Variants in ARNT2 observed in about 807,000 individuals in gnomAD.
ARNT2 encodes the protein ARNT protein 2.
Under a neutral mutation model 91.7 loss-of-function variants are expected in ARNT2, and 36 were observed. That is an observed-to-expected ratio of 0.39 (90% CI 0.30 to 0.52). The LOEUF is 0.52. ARNT2 is among the 20% of genes least tolerant of loss of function. The pLI is 0.72. For synonymous variants in ARNT2, 365 were observed against 347.1 expected (o/e 1.05, Z -0.57); for missense variants, 775 against 939.3 (o/e 0.83, Z 2.29).
intron 5 of ARNT2, among the ~76,000 whole-genome samples, chr15:80,502,446 G>A (rs552206880): frequency 6.6e-6 from 1 of 152,332 alleles, no homozygotes; most frequent in Admixed American, 6.5e-5. Flanking sequence ...GTGCTGTGCT[G>A]AAAGTCTAAA....
At chr15:80,501,553 A>G (rs527536540) in intron 5 of ARNT2, among the ~76,000 whole-genome samples, 1 of 152,366 alleles carries the variant, frequency 6.6e-6, no homozygotes, top group African/African-American at 2.4e-5. Flanking sequence ...CAAGTTATTC[A>G]ATCTTGTAGC....
At chr15:80,575,554 C>T (rs1429733560) in intron 14 of ARNT2, among the ~76,000 whole-genome samples, 2 of 152,208 alleles carry the variant, frequency 1.3e-5, no homozygotes, top group East Asian at 3.9e-4. Flanking sequence ...AGCACCTTCT[C>T]TCTCGTGTAA....
At chr15:80,496,207 T>C (rs992514039) in intron 5 of ARNT2, among the ~76,000 whole-genome samples, 4 of 152,182 alleles carry the variant, frequency 2.6e-5, no homozygotes, top group Non-Finnish European at 5.9e-5. Flanking sequence ...AAAAAATCCA[T>C]TGCACTGTGA....
chr15:80,553,433 G>T (rs1249126641), intron 10 of ARNT2, among the ~76,000 whole-genome samples: 1 of 152,072 alleles, frequency 6.6e-6, no homozygotes, highest in Non-Finnish European at 1.5e-5. Flanking sequence ...GATTTTCTTA[G>T]GTTTAGTATA....
At chr15:80,585,566 A>G (rs920428446) in intron 17 of ARNT2, among the ~76,000 whole-genome samples, 1 of 152,188 alleles carries the variant, frequency 6.6e-6, no homozygotes, top group African/African-American at 2.4e-5. Flanking sequence ...CCCTTGTTGG[A>G]GAATGTGCAT....
chr15:80,437,922 T>TACACACACACACACACACACAC (rs58142108), intron 1 of ARNT2, among the ~76,000 whole-genome samples: 1 of 141,562 alleles, frequency 7.1e-6, no homozygotes, highest in South Asian at 2.5e-4. Flanking sequence ...TGTATTTACC[T>TACACACACACACACACACACAC]ACACACACAC....
intron 1 of ARNT2, among the ~76,000 whole-genome samples, chr15:80,412,824 A>G (rs749774625): frequency 3.9e-5 from 6 of 152,244 alleles, no homozygotes; most frequent in Non-Finnish European, 8.8e-5. Flanking sequence ...GGATTTATAT[A>G]CTTTTATACT....
chr15:80,551,563 C>T (rs973822858), intron 9 of ARNT2, among the ~76,000 whole-genome samples: 10 of 152,178 alleles, frequency 6.6e-5, no homozygotes, highest in Admixed American at 1.3e-4. Context: ...TGCTTAACCC[C>T]CTTGACTGTT....
At chr15:80,496,309 C>G (rs1435704863) in intron 5 of ARNT2, among the ~76,000 whole-genome samples, 1 of 152,192 alleles carries the variant, frequency 6.6e-6, no homozygotes, top group Non-Finnish European at 1.5e-5. Flanking sequence ...TCTCCCTGCT[C>G]CCAGCTTGAA....
intron 17 of ARNT2, among the ~76,000 whole-genome samples, chr15:80,584,822 C>T (rs963892412): frequency 4.6e-5 from 7 of 152,188 alleles, no homozygotes; most frequent in African/African-American, 7.2e-5. Flanking sequence ...AGAGATAATG[C>T]GGTTGATCCC....
At chr15:80,579,940 C>T (rs143319490) in intron 15 of ARNT2, 70 of 157,922 alleles carry the variant, frequency 4.4e-4, no homozygotes, top group African/African-American at 1.4e-3. Flanking sequence ...CTTTTCTTTC[C>T]GTTTAAAACT....
At chr15:80,590,075 G>C (rs1467511831) in intron 17 of ARNT2, among the ~76,000 whole-genome samples, 1 of 152,138 alleles carries the variant, frequency 6.6e-6, no homozygotes. Flanking sequence ...GAGAGAGAGC[G>C]AGGGAGAGAG....
rs972553393 is a variant in ARNT2, at chr15:80,597,319, T to C, written c.*3621T>C. 1.9e-6 allele frequency: 1 copy of C among 518,708 alleles called. No homozygotes were observed. The highest frequency in any genetic ancestry group is 5.5e-5 in the East Asian group (1 of 18,344). The allele number at this position is 518,708 out of a possible 1,614,324, so 32.1% of individuals were successfully genotyped here. A position where few individuals can be genotyped will look rare whatever the true frequency, so the allele number is the denominator to read the frequency against. On this transcript the variant is annotated 3_prime_UTR_variant, in exon 19 of 19. Transcript: ENST00000303329. Reference sequence around the variant, plus strand: ...TACCACATAAACAGGAAGAAGCCAGTGACCGGAACAGCTCTAGGAATAACA... The same window carrying C: ...TACCACATAAACAGGAAGAAGCCAGCGACCGGAACAGCTCTAGGAATAACA...
intron 1 of ARNT2, among the ~76,000 whole-genome samples, chr15:80,441,959 G>T (rs778370033): frequency 1.3e-5 from 2 of 152,170 alleles, no homozygotes; most frequent in African/African-American, 4.8e-5. Context: ...TTCCTGAGGG[G>T]ATATTTGCAT....
intron 5 of ARNT2, among the ~76,000 whole-genome samples, chr15:80,506,988 A>G (rs117383528): frequency 0.011 from 1,631 of 152,296 alleles, 22 homozygotes; most frequent in East Asian, 0.042. Flanking sequence ...AGCAGCTGCC[A>G]TGGAGCTGTA....
rs1443503199 is a variant in ARNT2, at chr15:80,563,206, T to C, written c.1283T>C (p.Ile428Thr). Residue 428 changes from isoleucine (I) to threonine (T), a missense_variant, in exon 12 of 19, where the codon ATT becomes ACT. Transcript: ENST00000303329. ...FTFQNPYSDE[I>T]EYIICTNTNV... ...TTCCAGAATCCCTATTCTGATGAGA[T>C]TGAGTACATCATCTGCACCAACACC... The C allele has an allele frequency of 6.2e-7, 1 of 1,614,080 alleles. No homozygotes were observed. The highest frequency in any genetic ancestry group is 1.1e-5 in the South Asian group (1 of 91,076).
At chr15:80,446,477 G>A (rs983365220) in intron 1 of ARNT2, among the ~76,000 whole-genome samples, 1 of 152,154 alleles carries the variant, frequency 6.6e-6, no homozygotes, top group Non-Finnish European at 1.5e-5. Context: ...CTGTGATTGA[G>A]AATCGTGGCC....
At chr15:80,568,920 T>G (rs1481790159) in intron 12 of ARNT2, among the ~76,000 whole-genome samples, 1 of 152,080 alleles carries the variant, frequency 6.6e-6, no homozygotes, top group African/African-American at 2.4e-5. Flanking sequence ...GGAAGTGAGC[T>G]CTAACACACA....
intron 8 of ARNT2, among the ~76,000 whole-genome samples, chr15:80,531,157 C>T (rs913879786): frequency 1.3e-5 from 2 of 152,182 alleles, no homozygotes; most frequent in African/African-American, 4.8e-5. Context: ...AAATATGTTT[C>T]AATTCACATG....
Sources: allele counts gnomAD v4.1 joint callset (sites outside exome capture counted in the v4.1 genomes callset), GRCh38; gene constraint gnomAD v4.1.1; transcripts MANE v1.5; gene names NCBI Gene and HGNC (gene_info 2026-07-23, HGNC 2026-07-21).